The following NDUFAF4 variants were observed in gnomAD, a reference collection of about 807,000 sequenced individuals.
NDUFAF4 encodes NADH dehydrogenase [ubiquinone] 1 alpha subcomplex assembly factor 4.
A neutral mutation model predicts 15.6 loss-of-function variants in NDUFAF4; 10 were observed. The observed-to-expected ratio is 0.64, with a 90% CI of 0.40 to 1.09. NDUFAF4 has a LOEUF of 1.09. NDUFAF4 is among the 50% of genes least tolerant of loss of function. The pLI is 0.01. For synonymous variants in NDUFAF4, 77 were observed against 73.3 expected, an observed-to-expected ratio of 1.05 and a Z score of -0.26; for missense variants, 203 against 207.3, an observed-to-expected ratio of 0.98 and a Z score of 0.13.
At chr6:96,897,569 G>A in intron 1 of NDUFAF4, 97 bp downstream of exon 1, 1 of 1,544,834 alleles carries the variant, frequency 6.5e-7, no homozygotes, top group East Asian at 2.4e-5. Context: ...CGAGCAGGCT[G>A]ACGCCGATCC....
At position 96,891,007 on chromosome 6, in the gene NDUFAF4, A is replaced by G; in HGVS notation, c.*97T>C. ...AGTATGCCCTCACAATGAGAGCATT[A>G]AATATTTGGTAATTAACATAATTTA... is the stretch of plus-strand genomic sequence containing the variant. On this transcript the variant is annotated 3_prime_UTR_variant, in exon 3 of 3. Transcript: ENST00000316149. 8.7e-7 allele frequency: 1 copy of G among 1,152,352 alleles called. No homozygotes were observed. The highest frequency in any genetic ancestry group is 1.3e-5 in the South Asian group (1 of 75,028). 71.4% of individuals were successfully genotyped at this position (1,152,352 alleles called of 1,614,324 possible).
chr6:96,894,600 T>C (rs1190687026), intron 2 of NDUFAF4, among the ~76,000 whole-genome samples: 1 of 152,120 alleles, frequency 6.6e-6, no homozygotes, highest in Non-Finnish European at 1.5e-5. Flanking sequence ...GAAAAAGCAG[T>C]ATATATAGGG....
In NDUFAF4 at chr6:96,896,804, C is replaced by G; in HGVS notation, c.180G>C (p.Lys60Asn). ...ACACATCTTTTAGAAACGACAGCAG[C>G]TTTTCATCTTTACGAGCAATCTCTC... ...VKGEIARKDEKLLSFLKDVYV... is the reference protein window; with the variant it reads ...VKGEIARKDENLLSFLKDVYV... Residue 60 changes from lysine (K) to asparagine (N), a missense_variant, in exon 2 of 3, where the codon AAG (lysine) becomes AAC (asparagine). Coordinates refer to ENST00000316149, the MANE Select transcript of NDUFAF4 (RefSeq NM_014165.4). 21 of 1,613,910 alleles carry G rather than the reference C, an allele frequency of 1.3e-5. No individual in the cohort carries two copies. The highest frequency in any genetic ancestry group is 1.8e-5 in the Non-Finnish European group (21 of 1,179,976).
Position 96,896,777 on chromosome 6 carries a change from A to T in NDUFAF4, c.207T>A (p.Tyr69Ter). Residue 69 changes from tyrosine to a stop codon, truncating the protein, a stop_gained, in exon 2 of 3, where the codon TAT (tyrosine) becomes TAA (stop). Transcript: ENST00000316149. LOFTEE classifies it high-confidence loss of function. ...EKLLSFLKDVYVDSKDPVSSL... is the reference protein window; with the variant it reads ...EKLLSFLKDV ...AAGACACAGGATCTTTGGAATCAAC[A>T]TACACATCTTTTAGAAACGACAGCA... 1 of 1,613,442 alleles carries T rather than the reference A, an allele frequency of 6.2e-7. No individual in the cohort carries two copies. The highest frequency in any genetic ancestry group is 8.5e-7 in the Non-Finnish European group (1 of 1,179,786).
intron 2 of NDUFAF4, among the ~76,000 whole-genome samples, chr6:96,894,683 G>A (rs1319783859): frequency 1.3e-5 from 2 of 152,062 alleles, no homozygotes; most frequent in Non-Finnish European, 2.9e-5. Flanking sequence ...GAAGACTACT[G>A]TAGCAGCAAT....
chr6:96,891,593 G>A (rs1775317312), intron 2 of NDUFAF4, among the ~76,000 whole-genome samples: 1 of 151,994 alleles, frequency 6.6e-6, no homozygotes, highest in Non-Finnish European at 1.5e-5. Context: ...CATGGGAGTG[G>A]ATTTCCCTCT....
Position 96,897,813 on chromosome 6 carries a change from A to T in NDUFAF4, c.-12T>A, listed in dbSNP as rs1287204462. ...ACTAGTGCTCCCATCTCCTCATAACATTATGCGCTCAGGTTCAGGCCGCAC... is the reference window on the plus strand; with the variant it reads ...ACTAGTGCTCCCATCTCCTCATAACTTTATGCGCTCAGGTTCAGGCCGCAC... On this transcript the variant is annotated 5_prime_UTR_variant, in exon 1 of 3. It removes an upstream start codon present in the reference 5' UTR. Coordinates refer to ENST00000316149, the MANE Select transcript of NDUFAF4 (RefSeq NM_014165.4). 2.5e-6 allele frequency: 4 copies of T among 1,613,862 alleles called. No individual in the cohort carries two copies. The highest frequency in any genetic ancestry group is 2.5e-6 in the Non-Finnish European group (3 of 1,179,840).
chr6:96,895,410 T>C (rs1775359767), intron 2 of NDUFAF4, among the ~76,000 whole-genome samples: 1 of 152,130 alleles, frequency 6.6e-6, no homozygotes, highest in Admixed American at 6.5e-5. Context: ...AACCATGAAC[T>C]GCCCGAAGGA....
intron 2 of NDUFAF4, among the ~76,000 whole-genome samples, chr6:96,893,410 C>A (rs918763123): frequency 3.9e-5 from 6 of 151,998 alleles, no homozygotes; most frequent in Non-Finnish European, 8.8e-5. Context: ...ACGATCTGAC[C>A]CCTATCACTC....
At chr6:96,893,101 C>A (rs956058565) in intron 2 of NDUFAF4, among the ~76,000 whole-genome samples, 3 of 152,158 alleles carry the variant, frequency 2.0e-5, no homozygotes, top group Admixed American at 2.0e-4. Flanking sequence ...GCACCTCCCT[C>A]TCCCTTACTC....
In NDUFAF4 at chr6:96,891,398, T is replaced by TG; in HGVS notation, c.241-8_241-7insC. On this transcript the variant is annotated splice_region_variant and splice_polypyrimidine_tract_variant and intron_variant, in intron 2 of 2. Transcript: ENST00000316149. The stretch of plus-strand genomic sequence containing the variant: ...ATGTTTCAGCAGCTTTTACCTAGTA[T>TG]CAAAAAAAAAAGGTTTTAGGATGAG... The TG allele has an allele frequency of 6.8e-7, 1 of 1,462,100 alleles. No individual in the cohort carries two copies. The highest frequency in any genetic ancestry group is 9.0e-7 in the Non-Finnish European group (1 of 1,112,924). The allele number at this position is 1,462,100 out of a possible 1,614,324, so 90.6% of individuals were successfully genotyped here.
At chr6:96,891,709 C>T (rs943593387) in intron 2 of NDUFAF4, among the ~76,000 whole-genome samples, 1 of 151,826 alleles carries the variant, frequency 6.6e-6, no homozygotes, top group Non-Finnish European at 1.5e-5. Flanking sequence ...ATAAGCCGTG[C>T]CTGCTTCCCA....
At chr6:96,892,571 A>C (rs1178871016) in intron 2 of NDUFAF4, among the ~76,000 whole-genome samples, 13 of 152,196 alleles carry the variant, frequency 8.5e-5, no homozygotes, top group African/African-American at 2.9e-4. Flanking sequence ...ATGACTGCCT[A>C]GTTGCTTAAT....
At chr6:96,893,341 G>A (rs1775336690) in intron 2 of NDUFAF4, among the ~76,000 whole-genome samples, 1 of 152,138 alleles carries the variant, frequency 6.6e-6, no homozygotes, top group Non-Finnish European at 1.5e-5. Flanking sequence ...ACTCTTTAAT[G>A]ACTTCCCATT....
At chr6:96,894,028 T>C (rs1014903790) in intron 2 of NDUFAF4, among the ~76,000 whole-genome samples, 1 of 152,232 alleles carries the variant, frequency 6.6e-6, no homozygotes, top group African/African-American at 2.4e-5. Flanking sequence ...GCAATGTGGG[T>C]AGCTACACTA....
chr6:96,894,613 C>T (rs986066), intron 2 of NDUFAF4, among the ~76,000 whole-genome samples: 45,031 of 151,998 alleles, frequency 0.3, 6,779 homozygotes, highest in African/African-American at 0.34. Context: ...ATATAGGGTT[C>T]AGTACTACGC....
chr6:96,891,528 C>T, intron 2 of NDUFAF4, 137 bp from the exon 3 acceptor site: 1 of 927,978 alleles, frequency 1.1e-6, no homozygotes, highest in South Asian at 1.6e-5. Context: ...AATCTCATGT[C>T]ACCAAATTGT....
intron 2 of NDUFAF4, 121 bp downstream of exon 2, chr6:96,896,623 T>G (rs1236069070): frequency 6.1e-6 from 5 of 822,956 alleles, no homozygotes; most frequent in Non-Finnish European, 1.0e-5. Context: ...TGCCAAGGCG[T>G]GTAGATTGAT....
rs1775302012 is a variant in NDUFAF4 at position 96,890,562 on chromosome 6, C to T, written c.*542G>A. 6.5e-6 allele frequency: 1 copy of T among 152,858 alleles called. No individual in the cohort carries two copies. Among genetic ancestry groups the T allele is most frequent in the African/African-American group, 2.4e-5 (1 of 41,424 alleles). 9.5% of individuals were successfully genotyped at this position (152,858 alleles called of 1,614,324 possible). On this transcript the variant is annotated 3_prime_UTR_variant, in exon 3 of 3. Transcript: ENST00000316149. ...AAATAAATCCTCAATACTTCTTATT[C>T]CCTGGAGTAGTAATTTTAATTAGAT...
Sources: allele counts gnomAD v4.1 joint callset (sites outside exome capture counted in the v4.1 genomes callset), GRCh38; gene constraint gnomAD v4.1.1; transcripts MANE v1.5; gene names NCBI Gene and HGNC (gene_info 2026-07-23, HGNC 2026-07-21).